The following ATP8B4 variants were observed in gnomAD, a reference collection of about 807,000 sequenced individuals.
The protein encoded by ATP8B4 is probable phospholipid-transporting ATPase IM.
Under a neutral mutation model 145.6 loss-of-function variants are expected in ATP8B4, and 133 were observed. That is an observed-to-expected ratio of 0.91 (90% CI 0.79 to 1.05). The LOEUF (loss-of-function observed/expected upper bound fraction) is 1.05. Ranked by LOEUF, ATP8B4 falls within the 50% of genes least tolerant of loss-of-function variation. ATP8B4 has a pLI of 0.00. For missense variants in ATP8B4, 1,458 were observed against 1,425.2 expected, an observed-to-expected ratio of 1.02 and a Z score of -0.37; for synonymous variants, 507 against 492.9, an observed-to-expected ratio of 1.03 and a Z score of -0.38.
At chr15:50,162,608 G>A (rs1258680137) in intron 1 of ATP8B4, among the ~76,000 whole-genome samples, 4 of 152,034 alleles carry the variant, frequency 2.6e-5, no homozygotes, top group South Asian at 2.1e-4. Flanking sequence ...CCAGGTTCAC[G>A]CCATTCTCCT....
chr15:49,972,845 A>G, intron 12 of ATP8B4, 55 bp from the exon 13 acceptor site: 2 of 1,556,446 alleles, frequency 1.3e-6, no homozygotes, highest in Non-Finnish European at 1.7e-6. Flanking sequence ...ATTTCAGAAC[A>G]TACAATATTT....
intron 14 of ATP8B4, among the ~76,000 whole-genome samples, chr15:49,959,988 T>C (rs1243362426): frequency 6.6e-6 from 1 of 151,092 alleles, no homozygotes; most frequent in Non-Finnish European, 1.5e-5. Flanking sequence ...AAACAACCAG[T>C]CTTACCAAAT....
intron 1 of ATP8B4, among the ~76,000 whole-genome samples, chr15:50,166,801 T>C (rs2044604069): frequency 6.6e-6 from 1 of 152,112 alleles, no homozygotes; most frequent in Non-Finnish European, 1.5e-5. Context: ...GGTAATCACA[T>C]GCCATAAGCC....
intron 23 of ATP8B4, chr15:49,879,739 T>C (rs916600674): frequency 2.2e-5 from 6 of 274,500 alleles, no homozygotes; most frequent in African/African-American, 1.1e-4. Context: ...ACCCCTAACA[T>C]AGTGCGGGAC....
intron 1 of ATP8B4, among the ~76,000 whole-genome samples, chr15:50,136,447 T>A (rs974479323): frequency 5.3e-5 from 8 of 152,190 alleles, no homozygotes; most frequent in Non-Finnish European, 1.0e-4. Context: ...AGTTCACCAC[T>A]CATACAGGGA....
chr15:49,953,615 C>G (rs367988428), intron 14 of ATP8B4, among the ~76,000 whole-genome samples: 1 of 152,316 alleles, frequency 6.6e-6, no homozygotes, highest in Non-Finnish European at 1.5e-5. Context: ...GCCCTTCCCC[C>G]ACCCAAGGAG....
chr15:49,897,722 A>G (rs2037564084), intron 22 of ATP8B4, among the ~76,000 whole-genome samples: 1 of 152,268 alleles, frequency 6.6e-6, no homozygotes, highest in Admixed American at 6.5e-5. Flanking sequence ...AGTGACTTAC[A>G]GAAGTTTTTA....
chr15:49,925,733 A>C (rs1167766142), intron 16 of ATP8B4, among the ~76,000 whole-genome samples: 1 of 152,126 alleles, frequency 6.6e-6, no homozygotes, highest in Non-Finnish European at 1.5e-5. Flanking sequence ...TGTCCCTTTA[A>C]ATTTGATTTT....
intron 17 of ATP8B4, among the ~76,000 whole-genome samples, chr15:49,921,794 T>G (rs886257391): frequency 6.6e-6 from 1 of 152,222 alleles, no homozygotes; most frequent in Admixed American, 6.5e-5. Context: ...ATTTCTATAG[T>G]AGGCAGTTGG....
At chr15:49,974,281 C>A (rs1265217464) in intron 12 of ATP8B4, among the ~76,000 whole-genome samples, 1 of 151,916 alleles carries the variant, frequency 6.6e-6, no homozygotes. Context: ...CGGGGTTTCA[C>A]TACTACTACT....
Position 49,979,763 on chromosome 15 carries a change from T to G in ATP8B4, c.888A>C (p.Ser296=), listed in dbSNP as rs2045993394. ...CLGIILAIGN[S]IWESQTGDQF... ...GGTCCCCAGTTTGACTCTCCCAGAT[T>G]GAATTTCCTATTGCAAGAATAATTC... The change falls in exon 12 of 28, where the codon TCA becomes TCC. Residue 296 remains serine (S), a synonymous_variant. Transcript: ENST00000284509. The G allele has an allele frequency of 1.2e-6, 2 of 1,608,836 alleles. No individual in the cohort carries two copies. Among genetic ancestry groups the G allele is most frequent in the East Asian group, 4.5e-5 (2 of 44,770 alleles).
intron 13 of ATP8B4, 24 bp from the exon 14 acceptor site, chr15:49,962,044 T>G (rs2044127340): frequency 6.4e-7 from 1 of 1,567,920 alleles, no homozygotes. Context: ...AATTGAGAAT[T>G]AAAAGTAAGT....
At chr15:49,988,363 T>A (rs753759642) in intron 9 of ATP8B4, among the ~76,000 whole-genome samples, 2 of 152,230 alleles carry the variant, frequency 1.3e-5, no homozygotes, top group Admixed American at 6.5e-5. Flanking sequence ...TAGATTAATA[T>A]ACATATCCAC....
intron 2 of ATP8B4, among the ~76,000 whole-genome samples, chr15:50,082,203 T>C (rs2054599564): frequency 6.6e-6 from 1 of 152,118 alleles, no homozygotes; most frequent in Non-Finnish European, 1.5e-5. Context: ...GGGGAGAGCT[T>C]TAAAGAAAAG....
chr15:49,901,912 G>T (rs76404294), intron 20 of ATP8B4: 432 of 361,206 alleles, frequency 1.2e-3, no homozygotes, highest in Admixed American at 3.1e-3. Context: ...GTTCCAAATG[G>T]AAACGCCCTC....
intron 2 of ATP8B4, among the ~76,000 whole-genome samples, chr15:50,097,826 C>A (rs1236161374): frequency 1.3e-5 from 2 of 152,156 alleles, no homozygotes; most frequent in African/African-American, 2.4e-5. Flanking sequence ...TGAACTGTAT[C>A]ATATATCTAT....
At chr15:50,087,646 T>C (rs1277015797) in intron 2 of ATP8B4, among the ~76,000 whole-genome samples, 1 of 151,916 alleles carries the variant, frequency 6.6e-6, no homozygotes, top group Non-Finnish European at 1.5e-5. Flanking sequence ...GCACTACTTA[T>C]GGCAAGTATA....
At chr15:49,885,826 C>G (rs912282944) in intron 23 of ATP8B4, 2 of 152,310 alleles carry the variant, frequency 1.3e-5, no homozygotes, top group African/African-American at 2.4e-5. Flanking sequence ...GGCTTGTGTT[C>G]CTGCCCAAGC....
In ATP8B4 at chr15:49,962,146, A is replaced by C. The variant is rs1364365119; in HGVS notation, c.1244-126T>G. 4.3e-6 allele frequency: 3 copies of C among 699,274 alleles called. No individual in the cohort carries two copies. The South Asian group carries it at 7.2e-5, about 17-fold the overall frequency. 43.3% of individuals were successfully genotyped at this position (699,274 alleles called of 1,614,324 possible). On this transcript the variant is annotated intron_variant, in intron 13 of 27. Coordinates refer to ENST00000284509, the MANE Select transcript of ATP8B4 (RefSeq NM_024837.4). ...ACTAAATGGCATTATGAATTTAAACAGGCGAATGGTTTTAGGAGTGCTTTC... is the reference window on the plus strand; with the variant it reads ...ACTAAATGGCATTATGAATTTAAACCGGCGAATGGTTTTAGGAGTGCTTTC...
Sources: gnomAD v4.1 joint callset for allele counts (sites outside exome capture counted in the v4.1 genomes callset) on GRCh38, gnomAD v4.1.1 for gene constraint, MANE v1.5 for transcripts, NCBI Gene and HGNC (gene_info 2026-07-23, HGNC 2026-07-21) for gene names.